Variants in NYAP2 observed in about 807,000 individuals in gnomAD.
NYAP2 encodes neuronal tyrosine-phosphorylated phosphoinositide-3-kinase adaptor 2, also known as neuronal tyrosine-phosphorylated phosphoinositide-3-kinase adapter 2.
NYAP2 carries 23 observed loss-of-function variants against 50.4 expected under a neutral mutation model. The ratio of observed to expected loss-of-function variants is 0.46; its 90% CI spans 0.33 to 0.65. The LOEUF is 0.65. Among genes scored for constraint, NYAP2 ranks in the 30% least tolerant of loss-of-function variants. The pLI, the probability that NYAP2 is intolerant of heterozygous loss-of-function variation, is 0.02. For missense variants in NYAP2, 885 were observed against 861.0 expected (o/e 1.03, Z -0.35); for synonymous variants, 394 against 365.2 (o/e 1.08, Z -0.90).
At chr2:225,497,530 T>C (rs1486630031) in intron 3 of NYAP2, among the ~76,000 whole-genome samples, 1 of 152,208 alleles carries the variant, frequency 6.6e-6, no homozygotes, top group Non-Finnish European at 1.5e-5. Context: ...ATGTGTCCAA[T>C]AGAAATGTTT....
At chr2:225,645,193 G>C (rs1437320853) in intron 6 of NYAP2, among the ~76,000 whole-genome samples, 1 of 151,314 alleles carries the variant, frequency 6.6e-6, no homozygotes, top group African/African-American at 2.4e-5. Flanking sequence ...GGAAGGTGGA[G>C]GTTGCAGTGA....
intron 3 of NYAP2, among the ~76,000 whole-genome samples, chr2:225,489,490 G>A (rs1690367014): frequency 1.3e-5 from 2 of 151,976 alleles, no homozygotes; most frequent in Non-Finnish European, 2.9e-5. Flanking sequence ...GAGTCATCGT[G>A]CCCGGTCTCC....
chr2:225,479,915 T>C (rs893189844), intron 3 of NYAP2, among the ~76,000 whole-genome samples: 3 of 152,206 alleles, frequency 2.0e-5, no homozygotes, highest in African/African-American at 4.8e-5. Flanking sequence ...CACCTCCATA[T>C]TCCTCTCTTC....
intron 3 of NYAP2, among the ~76,000 whole-genome samples, chr2:225,505,635 T>C (rs1176107679): frequency 6.6e-6 from 1 of 152,212 alleles, no homozygotes; most frequent in African/African-American, 2.4e-5. Flanking sequence ...TGACACCAGA[T>C]GCATTTTCTG....
downstream of NYAP2, among the ~76,000 whole-genome samples, chr2:225,657,265 A>C (rs1693844515): frequency 6.6e-6 from 1 of 151,832 alleles, no homozygotes; most frequent in Non-Finnish European, 1.5e-5. Flanking sequence ...GTCTGCCACC[A>C]CACCAGGCTA....
At chr2:225,413,157 G>A (rs780995617) in intron 3 of NYAP2, among the ~76,000 whole-genome samples, 1 of 152,040 alleles carries the variant, frequency 6.6e-6, no homozygotes, top group Non-Finnish European at 1.5e-5. Context: ...TTTGGAGGGG[G>A]CAGAATACTA....
At chr2:225,401,287 G>T (rs2106114228) in intron 2 of NYAP2, among the ~76,000 whole-genome samples, 1 of 152,184 alleles carries the variant, frequency 6.6e-6, no homozygotes, top group African/African-American at 2.4e-5. Context: ...GGTTAAACTA[G>T]ATTTTCATTA....
At chr2:225,427,163 T>C (rs1695299926) in intron 3 of NYAP2, among the ~76,000 whole-genome samples, 1 of 152,148 alleles carries the variant, frequency 6.6e-6, no homozygotes, top group Non-Finnish European at 1.5e-5. Flanking sequence ...AGTTTATCCA[T>C]GCAACTCCAA....
intron 5 of NYAP2, among the ~76,000 whole-genome samples, chr2:225,606,189 C>T (rs1692783311): frequency 6.6e-6 from 1 of 152,096 alleles, no homozygotes; most frequent in African/African-American, 2.4e-5. Flanking sequence ...TAAGTATGAA[C>T]TGGTACCCAG....
At position 225,566,661 on chromosome 2, in the gene NYAP2, G is replaced by C. The variant is rs183617908; in HGVS notation, c.524-15280G>C. Among the ~76,000 whole-genome samples, 336 of 152,310 alleles carry C rather than the reference G, an allele frequency of 2.2e-3. 1 individual carries two copies. Among genetic ancestry groups the C allele is most frequent in the African/African-American group, 7.7e-3 (320 of 41,572 alleles). On this transcript the variant is annotated intron_variant, in intron 4 of 6. Transcript: ENST00000636099. ...AACTTGGTAACTTCCTTTCACTGTA[G>C]GTAGAAATTCTGCAAGTGATAGCTA...
chr2:225,560,244 A>G (rs975174653), intron 4 of NYAP2, among the ~76,000 whole-genome samples: 14 of 152,214 alleles, frequency 9.2e-5, no homozygotes, highest in African/African-American at 3.1e-4. Context: ...TAGGCATATT[A>G]TCACAACATT....
At chr2:225,505,837 C>A (rs981615293) in intron 3 of NYAP2, among the ~76,000 whole-genome samples, 2 of 152,182 alleles carry the variant, frequency 1.3e-5, no homozygotes, top group Admixed American at 6.5e-5. Context: ...ATAGCCAGGT[C>A]TTCCTCAAGG....
chr2:225,482,036 T>A (rs150280987), intron 3 of NYAP2, among the ~76,000 whole-genome samples: 138 of 152,256 alleles, frequency 9.1e-4, no homozygotes, highest in Non-Finnish European at 1.6e-3. Flanking sequence ...CATACTGTAA[T>A]GAGAGTAGAA....
the NYAP2 span, among the ~76,000 whole-genome samples, chr2:225,664,792 C>G: frequency 6.6e-6 from 1 of 152,052 alleles, no homozygotes; most frequent in African/African-American, 2.4e-5. Context: ...AGGAGAATGG[C>G]GTGAACCTGG....
chr2:225,659,362 C>T, the NYAP2 span, among the ~76,000 whole-genome samples: 1 of 152,246 alleles, frequency 6.6e-6, no homozygotes, highest in Admixed American at 6.5e-5. Context: ...CATGATGTGC[C>T]ATTTTTGTCA....
At chr2:225,588,550 T>C (rs1388631767) in intron 5 of NYAP2, among the ~76,000 whole-genome samples, 3 of 152,244 alleles carry the variant, frequency 2.0e-5, no homozygotes, top group African/African-American at 7.2e-5. Context: ...CTCTTACTAA[T>C]TTAATTTTTA....
intron 4 of NYAP2, among the ~76,000 whole-genome samples, chr2:225,531,250 T>G (rs1286333757): frequency 6.6e-6 from 1 of 152,224 alleles, no homozygotes; most frequent in Non-Finnish European, 1.5e-5. Context: ...AGACAAACCA[T>G]GCTTGTTCCT....
chr2:225,448,339 C>G (rs11896531), intron 3 of NYAP2, among the ~76,000 whole-genome samples: 1 of 151,978 alleles, frequency 6.6e-6, no homozygotes, highest in African/African-American at 2.4e-5. Flanking sequence ...CACTTGAAAG[C>G]GACCAGGGGA....
chr2:225,660,483 G>C, the NYAP2 span, among the ~76,000 whole-genome samples: 1 of 121,750 alleles, frequency 8.2e-6, no homozygotes, highest in South Asian at 2.7e-4. Flanking sequence ...TTTACTTAAA[G>C]ATTCCACATA....
Sources: gnomAD v4.1 joint callset for allele counts (sites outside exome capture counted in the v4.1 genomes callset) on GRCh38, gnomAD v4.1.1 for gene constraint, MANE v1.5 for transcripts, NCBI Gene and HGNC (gene_info 2026-07-23, HGNC 2026-07-21) for gene names.